TTL: variants seen among roughly 807,000 people sequenced by gnomAD.
TTL encodes tubulin--tyrosine ligase.
A neutral mutation model predicts 41.1 loss-of-function variants in TTL; 10 were observed. That is an observed-to-expected ratio of 0.24 (90% CI 0.15 to 0.41). The LOEUF (loss-of-function observed/expected upper bound fraction) is 0.41, where lower values mean the gene tolerates loss of function less well. TTL is among the 10% of genes least tolerant of loss of function. TTL has a pLI of 1.00. For missense variants in TTL, 367 were observed against 460.4 expected (o/e 0.80, Z 1.86); for synonymous variants, 175 against 175.5 (o/e 1.00, Z 0.02).
At position 112,534,520 on chromosome 2, in the gene TTL, C is replaced by T. The variant is rs889613417; in HGVS notation, c.*5725C>T. 2 of 152,612 alleles carry T rather than the reference C, an allele frequency of 1.3e-5. No homozygotes were observed. Among genetic ancestry groups the T allele is most frequent in the Non-Finnish European group, 2.9e-5 (2 of 68,050 alleles). 9.5% of individuals were successfully genotyped at this position (152,612 alleles called of 1,614,324 possible). On this transcript the variant is annotated 3_prime_UTR_variant, in exon 7 of 7. Coordinates refer to ENST00000233336, the MANE Select transcript of TTL (RefSeq NM_153712.5). Reference sequence around the variant, plus strand: ...GGGGATTGGAACTCCTCCAAAGCTTCATTACCAGAGAATTGCCATTTGGCC... The same window carrying T: ...GGGGATTGGAACTCCTCCAAAGCTTTATTACCAGAGAATTGCCATTTGGCC...
intron 3 of TTL, among the ~76,000 whole-genome samples, chr2:112,500,664 T>C (rs1417677631): frequency 1.2e-4 from 19 of 152,134 alleles, no homozygotes; most frequent in African/African-American, 4.4e-4. Flanking sequence ...CTGTGCACTT[T>C]AAAAGGATAA....
Position 112,529,134 on chromosome 2 carries a change from C to G in TTL, c.*339C>G. On this transcript the variant is annotated 3_prime_UTR_variant, in exon 7 of 7. Coordinates refer to ENST00000233336, the MANE Select transcript of TTL (RefSeq NM_153712.5). Reference sequence around the variant, plus strand: ...CCTCCCACCCACTGCAGCCCTAGTGCCTTAGCTCCATGCCCGGCTGCAGCC... The same window carrying G: ...CCTCCCACCCACTGCAGCCCTAGTGGCTTAGCTCCATGCCCGGCTGCAGCC... 1 of 405,716 alleles carries G rather than the reference C, an allele frequency of 2.5e-6. No individual in the cohort carries two copies. Among genetic ancestry groups the G allele is most frequent in the South Asian group, 3.2e-5 (1 of 31,670 alleles). 25.1% of individuals were successfully genotyped at this position (405,716 alleles called of 1,614,324 possible). A position where few individuals can be genotyped will look rare whatever the true frequency, so the allele number is the denominator to read the frequency against.
At chr2:112,494,653 T>G (rs1462536675) in intron 3 of TTL, among the ~76,000 whole-genome samples, 1 of 152,150 alleles carries the variant, frequency 6.6e-6, no homozygotes, top group African/African-American at 2.4e-5. Flanking sequence ...TTCCCAACTT[T>G]GCCCACGCCA....
At chr2:112,484,628 T>C (rs1365570106) in intron 1 of TTL, among the ~76,000 whole-genome samples, 1 of 152,084 alleles carries the variant, frequency 6.6e-6, no homozygotes, top group Non-Finnish European at 1.5e-5. Context: ...ATGCCATCAC[T>C]GTTAAGGGAT....
At chr2:112,521,946 TTC>T in intron 6 of TTL, among the ~76,000 whole-genome samples, 1 of 152,278 alleles carries the variant, frequency 6.6e-6, no homozygotes, top group South Asian at 2.1e-4. Context: ...GATCCGCACC[TTC>T]CCTCACCAAA....
At position 112,503,085 on chromosome 2, in the gene TTL, A is replaced by G; in HGVS notation, c.779A>G (p.Asn260Ser). 1 of 1,613,934 alleles carries G rather than the reference A, an allele frequency of 6.2e-7. No individual in the cohort carries two copies. Among genetic ancestry groups the G allele is most frequent in the Admixed American group, 1.7e-5 (1 of 60,024 alleles). ...SKNYGKYEEG[N>S]EMFFKEFNQY... ...AACTACGGGAAGTATGAAGAAGGAA[A>G]TGAAATGTTCTTCAAGGAGTTCAAT... is the stretch of plus-strand genomic sequence containing the variant. Residue 260 changes from asparagine to serine, a missense_variant, in exon 5 of 7, where the codon AAT (asparagine) becomes AGT (serine). By Grantham distance (46) the Asn-to-Ser change is conservative (BLOSUM62 1). Coordinates refer to ENST00000233336, the MANE Select transcript of TTL (RefSeq NM_153712.5).
rs1308284787 is a variant in TTL, at chr2:112,534,027, G to T, written c.*5232G>T. On this transcript the variant is annotated 3_prime_UTR_variant, in exon 7 of 7. Coordinates refer to ENST00000233336, the MANE Select transcript of TTL (RefSeq NM_153712.5). Reference sequence around the variant, plus strand: ...AGCAAAACTGTCTAGACATTAACCAGAGGCTTGCAGCAATCCATTTATTCA... The same window carrying T: ...AGCAAAACTGTCTAGACATTAACCATAGGCTTGCAGCAATCCATTTATTCA... 2 of 152,216 alleles carry T rather than the reference G, an allele frequency of 1.3e-5. No individual in the cohort carries two copies. The highest frequency in any genetic ancestry group is 3.9e-4 in the East Asian group (2 of 5,178). The allele number at this position is 152,216 out of a possible 1,614,324, so 9.4% of individuals were successfully genotyped here.
At chr2:112,512,677 G>A (rs377406367) in intron 5 of TTL, among the ~76,000 whole-genome samples, 6 of 152,262 alleles carry the variant, frequency 3.9e-5, no homozygotes, top group East Asian at 3.9e-4. Context: ...GATTACAGGC[G>A]TGAGCCATCT....
intron 2 of TTL, among the ~76,000 whole-genome samples, chr2:112,488,535 A>C (rs1681300276): frequency 6.6e-6 from 1 of 151,838 alleles, no homozygotes; most frequent in African/African-American, 2.4e-5. Context: ...AGGCGGACAG[A>C]TCACTTAGGG....
chr2:112,490,309 T>C (rs1011867933), intron 2 of TTL, among the ~76,000 whole-genome samples: 2 of 151,932 alleles, frequency 1.3e-5, no homozygotes, highest in Non-Finnish European at 2.9e-5. Flanking sequence ...TCCCAGCTAC[T>C]TGGGAGGCTG....
At chr2:112,513,421 C>T (rs1281273532) in intron 5 of TTL, among the ~76,000 whole-genome samples, 5 of 151,754 alleles carry the variant, frequency 3.3e-5, no homozygotes, top group African/African-American at 9.7e-5. Context: ...CATATACTTC[C>T]TTAAGTTTTA....
chr2:112,497,041 C>T (rs1238564736), intron 3 of TTL, among the ~76,000 whole-genome samples: 1 of 151,856 alleles, frequency 6.6e-6, no homozygotes, highest in African/African-American at 2.4e-5. Context: ...AGGATGGTCT[C>T]GATCTCCTGA....
intron 1 of TTL, among the ~76,000 whole-genome samples, chr2:112,484,789 G>A (rs889283080): frequency 1.3e-5 from 2 of 152,112 alleles, no homozygotes; most frequent in African/African-American, 4.8e-5. Context: ...ACCAGTGAGA[G>A]CCAGCTAATG....
intron 6 of TTL, among the ~76,000 whole-genome samples, chr2:112,525,303 A>G (rs1475769878): frequency 6.6e-6 from 1 of 152,128 alleles, no homozygotes; most frequent in East Asian, 1.9e-4. Flanking sequence ...TGAACTTTAA[A>G]GTAGTTTTTT....
In TTL at chr2:112,537,166, CG is replaced by C. The variant is rs574208121; in HGVS notation, c.*8372del. 949 of 139,556 alleles carry C rather than the reference CG, an allele frequency of 6.8e-3. 8 individuals are homozygous for C. Among genetic ancestry groups the C allele is most frequent in the Non-Finnish European group, 9.9e-3 (645 of 65,138 alleles). 8.6% of individuals were successfully genotyped at this position (139,556 alleles called of 1,614,324 possible). A position where few individuals can be genotyped will look rare whatever the true frequency, so the allele number is the denominator to read the frequency against. ...TGTGATCTGTGCTCACTGCAACCTC[CG>C]CCTCCTGGGTTTAAGCGATTCTCCT... is the stretch of plus-strand genomic sequence containing the variant. On this transcript the variant is annotated 3_prime_UTR_variant, in exon 7 of 7. Transcript: ENST00000233336.
In TTL at chr2:112,485,936, A is replaced by G; in HGVS notation, c.177A>G (p.Val59=). The change falls in exon 2 of 7, where the codon GTA becomes GTG. Residue 59 remains valine, a synonymous_variant. Transcript: ENST00000233336. ...FGRLGHEPGL[V]QLVNYYRGAD... is the part of the protein sequence containing the mutation. Reference sequence around the variant, plus strand: ...TCCTAGGTCACGAGCCCGGGCTGGTACAGTTGGTGAATTACTACAGGGGTG... The same window carrying G: ...TCCTAGGTCACGAGCCCGGGCTGGTGCAGTTGGTGAATTACTACAGGGGTG... 1 of 1,614,102 alleles carries G rather than the reference A, an allele frequency of 6.2e-7. No homozygotes were observed.
chr2:112,516,990 T>C (rs1301551610), intron 5 of TTL, among the ~76,000 whole-genome samples: 1 of 152,084 alleles, frequency 6.6e-6, no homozygotes, highest in Non-Finnish European at 1.5e-5. Context: ...CTGTTCAGAG[T>C]GTTGCTGCTG....
Position 112,532,157 on chromosome 2 carries a change from G to A in TTL, c.*3362G>A. Reference sequence around the variant, plus strand: ...GTGACAAAGTGTGTTTTCATTCACAGTGGAGGCTACATCAAGCAAGGGGAG... The same window carrying A: ...GTGACAAAGTGTGTTTTCATTCACAATGGAGGCTACATCAAGCAAGGGGAG... On this transcript the variant is annotated 3_prime_UTR_variant, in exon 7 of 7. Coordinates refer to ENST00000233336, the MANE Select transcript of TTL (RefSeq NM_153712.5). 4.4e-6 allele frequency: 1 copy of A among 226,796 alleles called. No individual in the cohort carries two copies. The highest frequency in any genetic ancestry group is 6.4e-5 in the East Asian group (1 of 15,678). The allele number at this position is 226,796 out of a possible 1,614,324, so 14.0% of individuals were successfully genotyped here.
chr2:112,525,059 A>G (rs1445606512), intron 6 of TTL, among the ~76,000 whole-genome samples: 1 of 152,054 alleles, frequency 6.6e-6, no homozygotes, highest in Non-Finnish European at 1.5e-5. Context: ...TCCTTTCCTC[A>G]TTTCTTGTTT....
Sources: gnomAD v4.1 joint callset for allele counts (sites outside exome capture counted in the v4.1 genomes callset) on GRCh38, gnomAD v4.1.1 for gene constraint, MANE v1.5 for transcripts, NCBI Gene and HGNC (gene_info 2026-07-23, HGNC 2026-07-21) for gene names.